Variants in CBLB observed in about 807,000 individuals in gnomAD.
CBLB encodes Cbl proto-oncogene B.
A neutral mutation model predicts 104.9 loss-of-function variants in CBLB; 31 were observed. The observed-to-expected ratio is 0.30, with a 90% CI of 0.22 to 0.40. The LOEUF is 0.40. CBLB is among the 10% of genes least tolerant of loss of function. The pLI, the probability that CBLB is intolerant of heterozygous loss-of-function variation, is 1.00. For missense variants in CBLB, 1,062 were observed against 1,214.6 expected (o/e 0.87, Z 1.87); for synonymous variants, 440 against 422.6 (o/e 1.04, Z -0.51).
intron 18 of CBLB, 86 bp from the exon 19 acceptor site, chr3:105,659,315 T>C (rs2063557146): frequency 2.3e-6 from 3 of 1,280,468 alleles, no homozygotes; most frequent in Non-Finnish European, 3.4e-6. Flanking sequence ...TCTCATTTCC[T>C]ATGGAAATAT....
At chr3:105,678,619 A>C (rs774395244) in intron 16 of CBLB, 48 bp from the exon 17 acceptor site, 6 of 1,565,434 alleles carry the variant, frequency 3.8e-6, no homozygotes, top group Middle Eastern at 1.7e-4. Context: ...TCATTAATCA[A>C]AATACACAGC....
chr3:105,720,466 AT>A (rs761502164), intron 9 of CBLB, among the ~76,000 whole-genome samples: 5 of 152,124 alleles, frequency 3.3e-5, no homozygotes, highest in African/African-American at 4.8e-5. Context: ...CGAAGGAAAA[AT>A]AAAGTTTTAA....
chr3:105,752,725 T>C (rs1035439371), intron 4 of CBLB, among the ~76,000 whole-genome samples: 1 of 152,218 alleles, frequency 6.6e-6, no homozygotes, highest in African/African-American at 2.4e-5. Context: ...ATTCATTCAA[T>C]AATTTTCTAT....
chr3:105,667,270 CAA>C (rs1166928711), intron 18 of CBLB, among the ~76,000 whole-genome samples: 1 of 148,772 alleles, frequency 6.7e-6, no homozygotes, highest in Non-Finnish European at 1.5e-5. Flanking sequence ...AAAATCACCT[CAA>C]GAGTGAATGG....
At chr3:105,745,820 T>C (rs1053886001) in intron 6 of CBLB, 97 bp downstream of exon 6, 3 of 1,099,060 alleles carry the variant, frequency 2.7e-6, no homozygotes, top group African/African-American at 1.5e-5. Flanking sequence ...CTCCCAAGCA[T>C]GCCATCAGCG....
chr3:105,822,985 T>C (rs528781895), intron 3 of CBLB, among the ~76,000 whole-genome samples: 2 of 152,298 alleles, frequency 1.3e-5, no homozygotes, highest in East Asian at 3.9e-4. Flanking sequence ...TTCCTGTTTA[T>C]CGCTCAGAAA....
At chr3:105,685,124 C>T (rs1376162132) in intron 14 of CBLB, among the ~76,000 whole-genome samples, 196 bp downstream of exon 14, 1 of 152,138 alleles carries the variant, frequency 6.6e-6, no homozygotes, top group Non-Finnish European at 1.5e-5. Flanking sequence ...AATAAAGTGA[C>T]TTCCTGATTA....
intron 16 of CBLB, chr3:105,680,859 A>C (rs2066236873): frequency 6.5e-6 from 1 of 152,778 alleles, no homozygotes; most frequent in African/African-American, 2.4e-5. Context: ...GAATTAATGA[A>C]ATTAACAGTG....
At chr3:105,838,073 T>G (rs549250164) in intron 3 of CBLB, among the ~76,000 whole-genome samples, 1 of 127,934 alleles carries the variant, frequency 7.8e-6, no homozygotes, top group Non-Finnish European at 1.6e-5. Flanking sequence ...CCTTTTTTTT[T>G]CCTTTTTTTC....
intron 12 of CBLB, among the ~76,000 whole-genome samples, chr3:105,696,035 ATAT>A (rs2068333617): frequency 6.6e-6 from 1 of 151,582 alleles, no homozygotes; most frequent in African/African-American, 2.4e-5. Flanking sequence ...GTGAGTATAT[ATAT>A]GTTATATATA....
At chr3:105,686,848 A>G (rs1201573565) in intron 13 of CBLB, among the ~76,000 whole-genome samples, 1 of 152,158 alleles carries the variant, frequency 6.6e-6, no homozygotes, top group Non-Finnish European at 1.5e-5. Context: ...AGACAAAAGC[A>G]TAGTGACAAA....
At chr3:105,792,555 T>C (rs746438015) in intron 3 of CBLB, among the ~76,000 whole-genome samples, 4 of 152,178 alleles carry the variant, frequency 2.6e-5, no homozygotes, top group Non-Finnish European at 5.9e-5. Flanking sequence ...TTTGTAAATA[T>C]CAACATCAGA....
Position 105,702,109 on chromosome 3 carries a change from A to T in CBLB, c.1944T>A (p.Pro648=). The T allele has an allele frequency of 6.2e-7, 1 of 1,614,176 alleles. No individual in the cohort carries two copies. Among genetic ancestry groups the T allele is most frequent in the Non-Finnish European group, 8.5e-7 (1 of 1,180,026 alleles). The change falls in exon 12 of 19, where the codon CCT becomes CCA. Residue 648 remains proline, a synonymous_variant. Transcript: ENST00000394030. ...LMRKHRRHDL[P]LEGAKVFSNG... Reference sequence around the variant, plus strand: ...TATTTCTTACCTTAGCTCCTTCTAAAGGCAAATCATGGCGTCTGTGTTTCC... The same window carrying T: ...TATTTCTTACCTTAGCTCCTTCTAATGGCAAATCATGGCGTCTGTGTTTCC...
Position 105,678,531 on chromosome 3 carries a change from A to G in CBLB, c.2469T>C (p.Pro823=), listed in dbSNP as rs568150977. 2.6e-5 allele frequency: 42 copies of G among 1,613,558 alleles called. 1 individual carries two copies. In the South Asian group the frequency reaches 4.5e-4, roughly 17 times the overall value. The change falls in exon 17 of 19, where the codon CCT becomes CCC. Residue 823 remains proline (P), a synonymous_variant. Coordinates refer to ENST00000394030, the MANE Select transcript of CBLB (RefSeq NM_170662.5). ...GACTATGCCTTGCAGGAGGTGGGGGAGGTGGGAGAGATGGAGGGAGGGCAT... is the reference window on the plus strand; with the variant it reads ...GACTATGCCTTGCAGGAGGTGGGGGGGGTGGGAGAGATGGAGGGAGGGCAT... ...AFDALPPSLP[P]PPPPARHSLI...
chr3:105,790,854 G>A (rs1184249871), intron 3 of CBLB, among the ~76,000 whole-genome samples: 1 of 152,154 alleles, frequency 6.6e-6, no homozygotes, highest in Non-Finnish European at 1.5e-5. Context: ...GCTGATAGGG[G>A]AGCAAGAACA....
intron 3 of CBLB, among the ~76,000 whole-genome samples, chr3:105,840,377 A>T (rs1159632611): frequency 6.6e-6 from 1 of 151,158 alleles, no homozygotes. Context: ...GAATACAAGC[A>T]TCGTGTTAGA....
chr3:105,723,399 G>C (rs1444413793), intron 9 of CBLB, among the ~76,000 whole-genome samples: 1 of 152,104 alleles, frequency 6.6e-6, no homozygotes, highest in African/African-American at 2.4e-5. Context: ...GACTCAGTAG[G>C]TTTCACTTCC....
At chr3:105,735,663 A>G (rs1227138565) in intron 8 of CBLB, among the ~76,000 whole-genome samples, 1 of 152,176 alleles carries the variant, frequency 6.6e-6, no homozygotes, top group African/African-American at 2.4e-5. Flanking sequence ...TTAAAATGGC[A>G]ATCATGGCCG....
intron 7 of CBLB, among the ~76,000 whole-genome samples, chr3:105,739,821 C>G (rs920922745): frequency 6.6e-6 from 1 of 151,984 alleles, no homozygotes; most frequent in Non-Finnish European, 1.5e-5. Flanking sequence ...AAAAGTGAAA[C>G]TGGCTGGGCA....
Sources: allele counts gnomAD v4.1 joint callset (sites outside exome capture counted in the v4.1 genomes callset), GRCh38; gene constraint gnomAD v4.1.1; transcripts MANE v1.5; gene names NCBI Gene and HGNC (gene_info 2026-07-23, HGNC 2026-07-21).